Variants in ITGBL1 observed in about 807,000 individuals in gnomAD.
ITGBL1 encodes the protein integrin beta-like protein 1.
ITGBL1 carries 51 observed loss-of-function variants against 68.5 expected under a neutral mutation model. The observed-to-expected ratio is 0.74, with a 90% CI of 0.59 to 0.94. The LOEUF (loss-of-function observed/expected upper bound fraction) is 0.94, where lower values mean the gene tolerates loss of function less well. Among genes scored for constraint, ITGBL1 ranks in the 40% least tolerant of loss-of-function variants. The pLI, the probability that ITGBL1 is intolerant of heterozygous loss-of-function variation, is 0.00. For missense variants in ITGBL1, 649 were observed against 647.4 expected (o/e 1.00, Z -0.03); for synonymous variants, 209 against 227.3 (o/e 0.92, Z 0.72).
At chr13:101,512,138 A>G (rs1426548107) in intron 2 of ITGBL1, among the ~76,000 whole-genome samples, 3 of 151,938 alleles carry the variant, frequency 2.0e-5, no homozygotes, top group Non-Finnish European at 4.4e-5. Context: ...CATTTAAGTC[A>G]TTTTACTTCC....
intron 7 of ITGBL1, among the ~76,000 whole-genome samples, chr13:101,612,319 A>G (rs1452634461): frequency 6.6e-6 from 1 of 152,170 alleles, no homozygotes; most frequent in Non-Finnish European, 1.5e-5. Context: ...AGTCCTTTAT[A>G]AAGATGTGAA....
At chr13:101,581,624 AC>A in intron 5 of ITGBL1, among the ~76,000 whole-genome samples, 1 of 152,200 alleles carries the variant, frequency 6.6e-6, no homozygotes, top group East Asian at 1.9e-4. Flanking sequence ...CTAATTTATT[AC>A]TTAGTGATTG....
intron 7 of ITGBL1, among the ~76,000 whole-genome samples, chr13:101,625,889 G>A (rs147190295): frequency 2.7e-3 from 416 of 152,214 alleles, no homozygotes; most frequent in African/African-American, 9.5e-3. Flanking sequence ...TTAATGATGC[G>A]TTAGACACTG....
chr13:101,539,253 C>G (rs993374221), intron 2 of ITGBL1, among the ~76,000 whole-genome samples: 3 of 143,376 alleles, frequency 2.1e-5, no homozygotes, highest in African/African-American at 7.8e-5. Context: ...CTTCCTGTGT[C>G]CATGTGTTCT....
At chr13:101,609,023 C>G (rs1226720468) in intron 7 of ITGBL1, among the ~76,000 whole-genome samples, 1 of 151,992 alleles carries the variant, frequency 6.6e-6, no homozygotes, top group Non-Finnish European at 1.5e-5. Flanking sequence ...GTCTTCCATG[C>G]ACCTTTGATC....
At chr13:101,608,690 G>A (rs2030987626) in intron 7 of ITGBL1, among the ~76,000 whole-genome samples, 1 of 151,976 alleles carries the variant, frequency 6.6e-6, no homozygotes, top group Non-Finnish European at 1.5e-5. Context: ...AAGCAAGTGG[G>A]ATTCAGATTT....
chr13:101,630,500 A>G (rs1355546458), intron 7 of ITGBL1, among the ~76,000 whole-genome samples: 1 of 152,172 alleles, frequency 6.6e-6, no homozygotes, highest in Non-Finnish European at 1.5e-5. Flanking sequence ...TTCTAACTTC[A>G]CATTGAGACC....
intron 2 of ITGBL1, among the ~76,000 whole-genome samples, chr13:101,551,193 T>G (rs1211870817): frequency 1.3e-5 from 2 of 152,184 alleles, no homozygotes; most frequent in Non-Finnish European, 2.9e-5. Flanking sequence ...GCAATTGAAC[T>G]AAGCAGTGAA....
chr13:101,606,750 A>G (rs766448370), intron 7 of ITGBL1, among the ~76,000 whole-genome samples: 8 of 151,930 alleles, frequency 5.3e-5, no homozygotes, highest in Non-Finnish European at 8.8e-5. Flanking sequence ...CTGAATGAGG[A>G]TGGGCAGGAG....
At chr13:101,596,069 C>A (rs201775583) in intron 6 of ITGBL1, among the ~76,000 whole-genome samples, 1 of 139,030 alleles carries the variant, frequency 7.2e-6, no homozygotes, top group African/African-American at 2.7e-5. Context: ...ATATATATAT[C>A]TATATATACA....
Position 101,714,532 on chromosome 13 carries a change from T to C in ITGBL1, c.1374T>C (p.His458=). ...GTGATGACAGAGACTGCGACAAACA[T>C]GATGGTCTCATTTGTACAGGTGCAG... ...CDCDDRDCDK[H]DGLICTGNGI... is the part of the protein sequence containing the mutation. The change falls in exon 10 of 11, where the codon CAT becomes CAC. Residue 458 remains histidine, a synonymous_variant. Coordinates refer to ENST00000376180, the MANE Select transcript of ITGBL1 (RefSeq NM_004791.3). The C allele has an allele frequency of 6.2e-7, 1 of 1,602,596 alleles. No individual in the cohort carries two copies. Among genetic ancestry groups the C allele is most frequent in the South Asian group, 1.1e-5 (1 of 90,794 alleles).
chr13:101,690,273 A>G (rs953361781), intron 7 of ITGBL1, among the ~76,000 whole-genome samples: 8 of 152,214 alleles, frequency 5.3e-5, no homozygotes, highest in Admixed American at 6.5e-5. Flanking sequence ...AAACAACGGA[A>G]TGTTGAAATC....
chr13:101,518,452 A>G (rs1392170943), intron 2 of ITGBL1, among the ~76,000 whole-genome samples: 3 of 152,196 alleles, frequency 2.0e-5, no homozygotes, highest in Admixed American at 6.5e-5. Flanking sequence ...CACGTTTAAA[A>G]TGGTATCAAC....
intron 7 of ITGBL1, among the ~76,000 whole-genome samples, chr13:101,671,513 A>G (rs916195804): frequency 3.1e-5 from 4 of 129,938 alleles, no homozygotes; most frequent in Non-Finnish European, 4.7e-5. Flanking sequence ...ATCTCGGCTC[A>G]CTGCAAGCTC....
rs1052020047 is a variant in ITGBL1 at position 101,572,422 on chromosome 13, C to T, written c.464-3002C>T. ...TGCAGAGCAGGGTGAGGCCCCGGCACCACTGTACAGGAGTGTGGGCTGGTG... is the reference window on the plus strand; with the variant it reads ...TGCAGAGCAGGGTGAGGCCCCGGCATCACTGTACAGGAGTGTGGGCTGGTG... On this transcript the variant is annotated intron_variant, in intron 3 of 10. Coordinates refer to ENST00000376180, the MANE Select transcript of ITGBL1 (RefSeq NM_004791.3). 2.6e-5 allele frequency among the ~76,000 whole-genome samples: 4 copies of T among 152,156 alleles called. No homozygotes were observed. In the South Asian group the frequency reaches 8.3e-4, roughly 32 times the overall value.
At chr13:101,497,705 C>G (rs891772089) in intron 2 of ITGBL1, among the ~76,000 whole-genome samples, 1 of 152,170 alleles carries the variant, frequency 6.6e-6, no homozygotes, top group East Asian at 1.9e-4. Flanking sequence ...TGGAAGCTCT[C>G]GGTCCTTACT....
rs2033260793 is a variant in ITGBL1 at position 101,667,884 on chromosome 13, A to G, written c.1016-24701A>G. On this transcript the variant is annotated intron_variant, in intron 7 of 10. Coordinates refer to ENST00000376180, the MANE Select transcript of ITGBL1 (RefSeq NM_004791.3). ...GTTGGCTTAGAGATAAGATATGCAAATGACACTTAAAAGTGTAAAAAAAAA... is the reference window on the plus strand; with the variant it reads ...GTTGGCTTAGAGATAAGATATGCAAGTGACACTTAAAAGTGTAAAAAAAAA... Among the ~76,000 whole-genome samples, 5 of 146,760 alleles carry G rather than the reference A, an allele frequency of 3.4e-5. No individual in the cohort carries two copies. The South Asian group carries it at 1.1e-3, about 32-fold the overall frequency.
At chr13:101,706,608 C>G (rs1594997251) in intron 8 of ITGBL1, 148 bp from the exon 9 acceptor site, 1 of 732,520 alleles carries the variant, frequency 1.4e-6, no homozygotes, top group Non-Finnish European at 2.1e-6. Context: ...TTCTTTCAAA[C>G]AATTACATGC....
chr13:101,575,942 A>G (rs1254061277), intron 4 of ITGBL1, among the ~76,000 whole-genome samples: 2 of 152,100 alleles, frequency 1.3e-5, no homozygotes, highest in Non-Finnish European at 2.9e-5. Context: ...ATCAGGGACA[A>G]TGAAGGTCAA....
Sources: allele counts gnomAD v4.1 joint callset (sites outside exome capture counted in the v4.1 genomes callset), GRCh38; gene constraint gnomAD v4.1.1; transcripts MANE v1.5; gene names NCBI Gene and HGNC (gene_info 2026-07-23, HGNC 2026-07-21).